ZBTB49: variants seen among roughly 807,000 people sequenced by gnomAD.
The protein encoded by ZBTB49 is zinc finger and BTB domain containing 49, also known as zinc finger and BTB domain-containing protein 49.
Under a neutral mutation model 57.5 loss-of-function variants are expected in ZBTB49, and 43 were observed. That is an observed-to-expected ratio of 0.75 (90% CI 0.59 to 0.97). The LOEUF (loss-of-function observed/expected upper bound fraction) is 0.97, where lower values mean the gene tolerates loss of function less well. ZBTB49 is among the 50% of genes least tolerant of loss of function. The probability of loss-of-function intolerance (pLI) is 0.00; values close to 1 mark genes in which losing one functional copy is unlikely to be tolerated. For synonymous variants in ZBTB49, 369 were observed against 362.1 expected (o/e 1.02, Z -0.22); for missense variants, 938 against 947.7 (o/e 0.99, Z 0.13).
intron 7 of ZBTB49, among the ~76,000 whole-genome samples, chr4:4,319,919 C>A (rs1181957133): frequency 6.6e-6 from 1 of 151,926 alleles, no homozygotes; most frequent in Admixed American, 6.6e-5. Flanking sequence ...CAAAAATTAG[C>A]CTGGCGTGGT....
In ZBTB49 at chr4:4,302,944, A is replaced by G. The variant is rs752663597; in HGVS notation, c.1108A>G (p.Ile370Val). ...CGTCAGTTGTGAGAATTTTAATTGC[A>G]TTAGTGAGACGGAGAGGCCTGAAGA... is the stretch of plus-strand genomic sequence containing the variant. ...EVVSCENFNC[I>V]SETERPEDPA... The change falls in exon 3 of 8, where the codon ATT becomes GTT. Residue 370 changes from isoleucine to valine, a missense_variant. Physicochemically the swap from Ile to Val is conservative, Grantham distance 29. Coordinates refer to ENST00000337872, the MANE Select transcript of ZBTB49 (RefSeq NM_145291.4). 5 of 1,614,132 alleles carry G rather than the reference A, an allele frequency of 3.1e-6. No individual in the cohort carries two copies. In the African/African-American group the frequency reaches 4.0e-5, roughly 13 times the overall value.
Position 4,303,043 on chromosome 4 carries a change from C to G in ZBTB49, c.1207C>G (p.Pro403Ala), listed in dbSNP as rs749635801. The G allele has an allele frequency of 2.5e-6, 4 of 1,612,506 alleles. No individual in the cohort carries two copies. The highest frequency in any genetic ancestry group is 1.1e-5 in the South Asian group (1 of 90,786). ...ATACGCGTGTGAATTATGCGGGAAA[C>G]CTTTTAAACACCCAAGCAACTTGGA... ...RQYACELCGK[P>A]FKHPSNLELH... is the part of the protein sequence containing the mutation. The change falls in exon 3 of 8, where the codon CCT (proline) becomes GCT (alanine). Residue 403 changes from proline (P) to alanine (A), a missense_variant. Physicochemically the swap from Pro to Ala is conservative, Grantham distance 27 (BLOSUM62 -1). Coordinates refer to ENST00000337872, the MANE Select transcript of ZBTB49 (RefSeq NM_145291.4).
intron 5 of ZBTB49, among the ~76,000 whole-genome samples, chr4:4,313,878 T>G (rs902879314): frequency 6.6e-6 from 1 of 152,244 alleles, no homozygotes; most frequent in African/African-American, 2.4e-5. Flanking sequence ...ATTCATTTAT[T>G]TAATCATTCA....
At chr4:4,319,415 G>A (rs1049856462) in intron 7 of ZBTB49, among the ~76,000 whole-genome samples, 2 of 152,224 alleles carry the variant, frequency 1.3e-5, no homozygotes, top group Non-Finnish European at 2.9e-5. Flanking sequence ...GTTATGTGCT[G>A]AGTTCCTTCT....
Position 4,321,225 on chromosome 4 carries a change from A to G in ZBTB49, c.2207A>G (p.Tyr736Cys). The change falls in exon 8 of 8, where the codon TAT (tyrosine) becomes TGT (cysteine). Residue 736 changes from tyrosine to cysteine, a missense_variant. Coordinates refer to ENST00000337872, the MANE Select transcript of ZBTB49 (RefSeq NM_145291.4). ...PLGSRASSTT[Y>C]RNSEGQFFSS... is the part of the protein sequence containing the mutation. ...GGCAGTCGAGCATCTTCCACCACTT[A>G]TAGGAACTCAGAGGGTCAGTTTTTC... The G allele has an allele frequency of 1.2e-6, 2 of 1,614,140 alleles. No individual in the cohort carries two copies. The highest frequency in any genetic ancestry group is 1.7e-6 in the Non-Finnish European group (2 of 1,180,028).
At chr4:4,311,157 A>G (rs946849948) in intron 4 of ZBTB49, among the ~76,000 whole-genome samples, 1 of 152,262 alleles carries the variant, frequency 6.6e-6, no homozygotes, top group African/African-American at 2.4e-5. Context: ...TTTTTCTACC[A>G]CTTAAAATAT....
In ZBTB49 at chr4:4,315,645, C is replaced by G; in HGVS notation, c.1386C>G (p.Ala462=). Residue 462 remains alanine, a synonymous_variant, in exon 6 of 8, where the codon GCC becomes GCG. Coordinates refer to ENST00000337872, the MANE Select transcript of ZBTB49 (RefSeq NM_145291.4). Reference sequence around the variant, plus strand: ...TCAAATTACATTCTAGGTTTGCAGCCTCTGGCGACGTCCAGCGTCACATTA... The same window carrying G: ...TCAAATTACATTCTAGGTTTGCAGCGTCTGGCGACGTCCAGCGTCACATTA... The part of the protein sequence containing the change: ...ICEICGKRFA[A]SGDVQRHIII... The G allele has an allele frequency of 1.2e-6, 2 of 1,614,122 alleles. No individual in the cohort carries two copies. The highest frequency in any genetic ancestry group is 1.7e-6 in the Non-Finnish European group (2 of 1,179,992).
At chr4:4,292,923 T>A (rs1720012519) in intron 1 of ZBTB49, among the ~76,000 whole-genome samples, 1 of 152,216 alleles carries the variant, frequency 6.6e-6, no homozygotes, top group African/African-American at 2.4e-5. Flanking sequence ...TTCATTCACA[T>A]TGATCTAAAC....
At chr4:4,319,567 C>G (rs969745319) in intron 7 of ZBTB49, among the ~76,000 whole-genome samples, 1 of 152,206 alleles carries the variant, frequency 6.6e-6, no homozygotes, top group African/African-American at 2.4e-5. Flanking sequence ...ATGCCTGTAA[C>G]CCCAGCACTT....
intron 3 of ZBTB49, among the ~76,000 whole-genome samples, chr4:4,304,290 A>G (rs1315254257): frequency 1.3e-5 from 2 of 151,094 alleles, no homozygotes; most frequent in East Asian, 3.9e-4. Flanking sequence ...CAGTGGCACA[A>G]TCTCGGCTCA....
intron 7 of ZBTB49, among the ~76,000 whole-genome samples, chr4:4,317,829 C>T (rs181293778): frequency 7.2e-5 from 11 of 152,308 alleles, no homozygotes; most frequent in Admixed American, 2.0e-4. Context: ...CATTTCACTG[C>T]GCTTTCCGAG....
Position 4,306,169 on chromosome 4 carries a change from G to A in ZBTB49, c.1287G>A (p.Gly429=). 1 of 1,612,982 alleles carries A rather than the reference G, an allele frequency of 6.2e-7. No individual in the cohort carries two copies. Among genetic ancestry groups the A allele is most frequent in the Non-Finnish European group, 8.5e-7 (1 of 1,179,548 alleles). The change falls in exon 4 of 8, where the codon GGG becomes GGA. Residue 429 remains glycine, a synonymous_variant. Transcript: ENST00000337872. ...GEKPFECNIC[G]KHFSQAGNLQ... is the part of the protein sequence containing the mutation. ...AACCTTTTGAATGTAACATTTGTGG[G>A]AAACATTTCTCTCAGGTGGGAATAC...
intron 1 of ZBTB49, among the ~76,000 whole-genome samples, chr4:4,299,493 T>A (rs1010831407): frequency 6.6e-6 from 1 of 152,218 alleles, no homozygotes; most frequent in African/African-American, 2.4e-5. Context: ...ACCTTATACA[T>A]TTTTATGTAT....
rs754099451 is a variant in ZBTB49 at position 4,312,991 on chromosome 4, A to G, written c.1303-50A>G. On this transcript the variant is annotated intron_variant, in intron 4 of 7. Transcript: ENST00000337872. The stretch of plus-strand genomic sequence containing the variant: ...TCCTTTTGAATTTATATAATTTAAA[A>G]AACCAAAAACTTTCATTATTGGTGT... 12 of 1,598,340 alleles carry G rather than the reference A, an allele frequency of 7.5e-6. No individual in the cohort carries two copies. The South Asian group carries it at 1.4e-4, about 18-fold the overall frequency.
Position 4,309,957 on chromosome 4 carries a change from A to T in ZBTB49, c.1303-3084A>T, listed in dbSNP as rs139320036. Among the ~76,000 whole-genome samples, 1,049 of 152,220 alleles carry T rather than the reference A, an allele frequency of 6.9e-3. 7 individuals carry two copies. The highest frequency in any genetic ancestry group is 0.024 in the African/African-American group (997 of 41,528). On this transcript the variant is annotated intron_variant, in intron 4 of 7. Coordinates refer to ENST00000337872, the MANE Select transcript of ZBTB49 (RefSeq NM_145291.4). ...AAATCCTAAAGTCTTGAAACTCCTG[A>T]GCTAGCTGACTTTTAATATCTGGGA...
intron 2 of ZBTB49, among the ~76,000 whole-genome samples, chr4:4,301,392 T>A (rs1720467617): frequency 6.6e-6 from 1 of 152,202 alleles, no homozygotes; most frequent in African/African-American, 2.4e-5. Flanking sequence ...CTGAAAAACC[T>A]AACAGCCAAA....
intron 1 of ZBTB49, among the ~76,000 whole-genome samples, chr4:4,292,512 C>T (rs1267855093): frequency 1.3e-5 from 2 of 152,178 alleles, no homozygotes; most frequent in Non-Finnish European, 2.9e-5. Context: ...TCCATCCTCG[C>T]GACAATCTGT....
rs149811309 is a variant in ZBTB49, at chr4:4,305,822, G to A, written c.1256-316G>A. 5.2e-4 allele frequency among the ~76,000 whole-genome samples: 79 copies of A among 152,336 alleles called. 1 individual carries two copies. The East Asian group carries it at 0.015, about 28-fold the overall frequency. On this transcript the variant is annotated intron_variant, in intron 3 of 7. Coordinates refer to ENST00000337872, the MANE Select transcript of ZBTB49 (RefSeq NM_145291.4). ...TAGGTGAGCGGGATCGTGCTGTTCA[G>A]CAGGAAAACTCAACCACAGGAAAAG... is the stretch of plus-strand genomic sequence containing the variant.
chr4:4,305,665 C>G (rs1342528572), intron 3 of ZBTB49, among the ~76,000 whole-genome samples: 1 of 152,222 alleles, frequency 6.6e-6, no homozygotes, highest in Non-Finnish European at 1.5e-5. Flanking sequence ...GTGAGGGGCT[C>G]TTTCCTTTTC....
Sources: gnomAD v4.1 joint callset for allele counts (sites outside exome capture counted in the v4.1 genomes callset) on GRCh38, gnomAD v4.1.1 for gene constraint, MANE v1.5 for transcripts, NCBI Gene and HGNC (gene_info 2026-07-23, HGNC 2026-07-21) for gene names.